The following ERBB3 variants were observed in gnomAD, a reference collection of about 807,000 sequenced individuals.
ERBB3 encodes the protein erb-b2 receptor tyrosine kinase 3.
In ERBB3, 96 loss-of-function variants were observed where a neutral mutation model predicts 156.7. The observed-to-expected ratio is 0.61, with a 90% CI of 0.52 to 0.73. The LOEUF is 0.73. Ranked by LOEUF, ERBB3 falls within the 30% of genes least tolerant of loss-of-function variation. The probability of loss-of-function intolerance (pLI) is 0.00; values close to 1 mark genes in which losing one functional copy is unlikely to be tolerated. For missense variants in ERBB3, 1,406 were observed against 1,709.4 expected (o/e 0.82, Z 3.13); for synonymous variants, 567 against 632.0 (o/e 0.90, Z 1.54).
At position 56,097,939 on chromosome 12, in the gene ERBB3, A is replaced by C. The variant is rs1307557023; in HGVS notation, c.2615A>C (p.Lys872Thr). 1.9e-6 allele frequency: 3 copies of C among 1,612,976 alleles called. No homozygotes were observed. Among genetic ancestry groups the C allele is most frequent in the African/African-American group, 1.3e-5 (1 of 74,874 alleles). ...DDKQLLYSEA[K>T]TPIKWMALES... ...AAGCAGCTGCTATACAGTGAGGCCA[A>C]GGTGAGGAGACACAAAGGGTAAGGA... Residue 872 changes from lysine to threonine, a missense_variant and splice_region_variant, in exon 21 of 28, where the codon AAG becomes ACG. Coordinates refer to ENST00000267101, the MANE Select transcript of ERBB3 (RefSeq NM_001982.4).
At position 56,097,880 on chromosome 12, in the gene ERBB3, T is replaced by C. The variant is rs1477222949; in HGVS notation, c.2556T>C (p.Asp852=). 1 of 1,613,820 alleles carries C rather than the reference T, an allele frequency of 6.2e-7. No individual in the cohort carries two copies. The change falls in exon 21 of 28, where the codon GAT becomes GAC. Residue 852 remains aspartate (D), a synonymous_variant. Coordinates refer to ENST00000267101, the MANE Select transcript of ERBB3 (RefSeq NM_001982.4). ...LKSPSQVQVA[D]FGVADLLPPD... is the part of the protein sequence containing the mutation. ...CACCCAGTCAGGTTCAGGTGGCAGA[T>C]TTTGGTGTGGCTGACCTGCTGCCTC...
At position 56,097,877 on chromosome 12, in the gene ERBB3, A is replaced by C. The variant is rs558975107; in HGVS notation, c.2553A>C (p.Ala851=). The C allele has an allele frequency of 5.5e-5, 89 of 1,614,036 alleles. No homozygotes were observed. Among genetic ancestry groups the C allele is most frequent in the Middle Eastern group, 5.0e-4 (3 of 5,982 alleles). The change falls in exon 21 of 28, where the codon GCA becomes GCC. Residue 851 remains alanine, a synonymous_variant. Coordinates refer to ENST00000267101, the MANE Select transcript of ERBB3 (RefSeq NM_001982.4). ...LLKSPSQVQV[A]DFGVADLLPP... is the part of the protein sequence containing the mutation. ...AGTCACCCAGTCAGGTTCAGGTGGCAGATTTTGGTGTGGCTGACCTGCTGC... is the reference window on the plus strand; with the variant it reads ...AGTCACCCAGTCAGGTTCAGGTGGCCGATTTTGGTGTGGCTGACCTGCTGC...
intron 9 of ERBB3, 28 bp downstream of exon 9, chr12:56,088,896 AC>A (rs1868575568): frequency 6.2e-7 from 1 of 1,613,478 alleles, no homozygotes; most frequent in Non-Finnish European, 8.5e-7. Context: ...CCCTCCTTAG[AC>A]CCCAGCCCAC....
At chr12:56,082,956 G>A (rs1868371851) in intron 1 of ERBB3, among the ~76,000 whole-genome samples, 1 of 152,172 alleles carries the variant, frequency 6.6e-6, no homozygotes, top group Admixed American at 6.5e-5. Flanking sequence ...GTGATGCTGA[G>A]GTTGCTAGAG....
At chr12:56,083,266 C>G (rs1868377648) in intron 1 of ERBB3, 2 of 227,324 alleles carry the variant, frequency 8.8e-6, no homozygotes, top group South Asian at 1.3e-4. Context: ...CCCTCTGCCC[C>G]CATCCCACCC....
rs1868537271 is a variant in ERBB3 at position 56,087,821 on chromosome 12, T to C, written c.640T>C (p.Cys214Arg). 1 of 1,613,942 alleles carries C rather than the reference T, an allele frequency of 6.2e-7. No individual in the cohort carries two copies. The highest frequency in any genetic ancestry group is 1.3e-5 in the African/African-American group (1 of 74,896). The change falls in exon 6 of 28, where the codon TGT (cysteine) becomes CGT (arginine). Residue 214 changes from cysteine to arginine, a missense_variant. Around this residue, in one of 3 missense-constraint regions of ERBB3, gnomAD observed 979 missense variants for 1,219.6 expected, o/e 0.80. Transcript: ENST00000267101. ...GACCAAGACCATCTGTGCTCCTCAG[T>C]GTAATGGTCACTGCTTTGGGCCCAA... ...TLTKTICAPQ[C>R]NGHCFGPNPN...
At chr12:56,086,748 G>T (rs778848315) in intron 4 of ERBB3, 92 bp downstream of exon 4, 1 of 1,516,558 alleles carries the variant, frequency 6.6e-7, no homozygotes, top group South Asian at 1.1e-5. Flanking sequence ...ATCTGAACCC[G>T]CCTCCCCAGT....
At chr12:56,095,369 G>T (rs1565859900) in intron 16 of ERBB3, 59 bp downstream of exon 16, 1 of 1,401,058 alleles carries the variant, frequency 7.1e-7, no homozygotes, top group African/African-American at 1.4e-5. Context: ...GAGAGAGGTG[G>T]TTACCTGGAG....
chr12:56,094,470 T>A lies in ERBB3; in HGVS notation c.1773T>A (p.His591Gln), dbSNP rs1308381015. The stretch of plus-strand genomic sequence containing the variant: ...CCCACTGTGTGAGCAGCTGCCCCCA[T>A]GGAGTCCTAGGTGCCAAGGGCCCAA... ...DGPHCVSSCP[H>Q]GVLGAKGPIY... Residue 591 changes from histidine (H) to glutamine (Q), a missense_variant, in exon 15 of 28, where the codon CAT becomes CAA. Transcript: ENST00000267101. The A allele has an allele frequency of 6.2e-7, 1 of 1,614,120 alleles. No individual in the cohort carries two copies. Among genetic ancestry groups the A allele is most frequent in the African/African-American group, 1.3e-5 (1 of 75,002 alleles).
chr12:56,102,827 A>C lies in ERBB3; in HGVS notation c.*772A>C, dbSNP rs899765756. ...TCTTTAAAAAAAAAAAAAAAAAAAA[A>C]AAAAAAACTTTAGAACTGGGTGCAG... On this transcript the variant is annotated 3_prime_UTR_variant, in exon 28 of 28. Transcript: ENST00000267101. 1 of 214,960 alleles carries C rather than the reference A, an allele frequency of 4.7e-6. No individual in the cohort carries two copies. Among genetic ancestry groups the C allele is most frequent in the African/African-American group, 2.3e-5 (1 of 44,134 alleles). 13.3% of individuals were successfully genotyped at this position (214,960 alleles called of 1,614,324 possible).
chr12:56,088,953 A>G (rs752572904), intron 9 of ERBB3, 85 bp downstream of exon 9: 1 of 1,545,418 alleles, frequency 6.5e-7, no homozygotes, highest in Non-Finnish European at 8.9e-7. Flanking sequence ...TCCTATGTGG[A>G]GCTGACTAGG....
chr12:56,101,401 G>A (rs367645135), intron 27 of ERBB3, 40 bp downstream of exon 27: 56 of 1,608,788 alleles, frequency 3.5e-5, no homozygotes, highest in Admixed American at 1.2e-4. Context: ...ATTTTTCCTC[G>A]AATTCTTTCC....
chr12:56,086,722 C>G, intron 4 of ERBB3, 66 bp downstream of exon 4: 1 of 1,598,238 alleles, frequency 6.3e-7, no homozygotes, highest in Non-Finnish European at 8.6e-7. Context: ...TTCTTTCCAT[C>G]ATCCTTACAT....
intron 7 of ERBB3, 122 bp from the exon 8 acceptor site, chr12:56,088,421 G>T (rs1235076917): frequency 8.9e-6 from 8 of 894,402 alleles, no homozygotes; most frequent in African/African-American, 1.6e-5. Context: ...GGGATCTAGG[G>T]TGGCAGATGG....
intron 7 of ERBB3, among the ~76,000 whole-genome samples, 190 bp from the exon 8 acceptor site, chr12:56,088,353 C>G (rs983538771): frequency 4.6e-5 from 7 of 152,230 alleles, no homozygotes; most frequent in Admixed American, 4.6e-4. Context: ...ACCCTTACTT[C>G]TGCTCCTTGT....
At chr12:56,084,062 T>C (rs751664385) in intron 2 of ERBB3, among the ~76,000 whole-genome samples, 160 bp downstream of exon 2, 15 of 152,160 alleles carry the variant, frequency 9.9e-5, no homozygotes, top group Non-Finnish European at 1.6e-4. Flanking sequence ...GTGGCTGTCA[T>C]CTGGGACCTA....
intron 5 of ERBB3, 37 bp from the exon 6 acceptor site, chr12:56,087,757 TA>T: frequency 1.1e-5 from 18 of 1,598,078 alleles, no homozygotes; most frequent in Non-Finnish European, 1.5e-5. Flanking sequence ...AATTCAGTCC[TA>T]GGAGCCCTAA....
chr12:56,102,044 C>T lies in ERBB3; in HGVS notation c.4018C>T (p.Gln1340Ter), dbSNP rs1303415217. 1.2e-6 allele frequency: 2 copies of T among 1,608,998 alleles called. No homozygotes were observed. Among genetic ancestry groups the T allele is most frequent in the Admixed American group, 3.3e-5 (2 of 59,972 alleles). ...HSRLFPKANA[Q>*]RT Reference sequence around the variant, plus strand: ...CAGGCTTTTCCCCAAGGCTAATGCCCAGAGAACGTAACTCCTGCTCCCTGT... The same window carrying T: ...CAGGCTTTTCCCCAAGGCTAATGCCTAGAGAACGTAACTCCTGCTCCCTGT... The change falls in exon 28 of 28, where the codon CAG becomes TAG. Residue 1340 changes from glutamine (Q) to a stop codon, truncating the protein, a stop_gained. Transcript: ENST00000267101. LOFTEE classifies it high-confidence loss of function.
intron 15 of ERBB3, 49 bp from the exon 16 acceptor site, chr12:56,095,208 A>T: frequency 7.2e-7 from 1 of 1,382,812 alleles, no homozygotes; most frequent in Non-Finnish European, 1.0e-6. Flanking sequence ...GTTGAAATTG[A>T]GCCTCTGCTG....
Sources: gnomAD v4.1 joint callset for allele counts (sites outside exome capture counted in the v4.1 genomes callset) on GRCh38, gnomAD v4.1.1 for gene constraint, gnomAD v4.1.1 regional missense constraint, MANE v1.5 for transcripts, NCBI Gene and HGNC (gene_info 2026-07-23, HGNC 2026-07-21) for gene names.